The following CAMTA1 variants were observed in gnomAD, a reference collection of about 807,000 sequenced individuals.
CAMTA1 encodes calmodulin binding transcription activator 1.
In CAMTA1, 27 loss-of-function variants were observed where a neutral mutation model predicts 170.9. That is an observed-to-expected ratio of 0.16 (90% CI 0.12 to 0.22). The LOEUF is 0.22. Among genes scored for constraint, CAMTA1 ranks in the 10% least tolerant of loss-of-function variants. CAMTA1 has a pLI of 1.00. For missense variants in CAMTA1, 1,619 were observed against 2,217.2 expected, an observed-to-expected ratio of 0.73 and a Z score of 5.42; for synonymous variants, 833 against 891.5, an observed-to-expected ratio of 0.93 and a Z score of 1.17.
At chr1:7,764,076 T>C (rs971522204) in intron 22 of CAMTA1, among the ~76,000 whole-genome samples, 3 of 152,162 alleles carry the variant, frequency 2.0e-5, no homozygotes, top group African/African-American at 7.2e-5. Context: ...TGTTTAAAAA[T>C]TGAACAGACT....
At chr1:7,269,247 C>A (rs1244510214) in intron 5 of CAMTA1, among the ~76,000 whole-genome samples, 1 of 152,214 alleles carries the variant, frequency 6.6e-6, no homozygotes, top group Non-Finnish European at 1.5e-5. Flanking sequence ...TTTACAAAAT[C>A]AGTTCCTTGA....
In CAMTA1 at chr1:7,664,187, C is replaced by T. The variant is rs376854282; in HGVS notation, c.1640C>T (p.Ala547Val). The stretch of plus-strand genomic sequence containing the variant: ...TTCGAGCAGCAGATGGCCAAAGAAG[C>T]GTACTCCTCCTCCGCGGCGGCTGTG... ...TSFEQQMAKE[A>V]YSSSAAAVAA... Residue 547 changes from alanine (A) to valine (V), a missense_variant, in exon 9 of 23, where the codon GCG (alanine) becomes GTG (valine). Physicochemically the swap from Ala to Val is moderately conservative, Grantham distance 64. Around this residue, in one of 8 missense-constraint regions of CAMTA1, gnomAD observed 731 missense variants for 907.6 expected, o/e 0.81. Coordinates refer to ENST00000303635, the MANE Select transcript of CAMTA1 (RefSeq NM_015215.4). 2.5e-6 allele frequency: 4 copies of T among 1,612,638 alleles called. No homozygotes were observed. Among genetic ancestry groups the T allele is most frequent in the Non-Finnish European group, 3.4e-6 (4 of 1,180,042 alleles).
At chr1:7,454,594 G>C (rs2092907393) in intron 5 of CAMTA1, among the ~76,000 whole-genome samples, 2 of 152,178 alleles carry the variant, frequency 1.3e-5, no homozygotes, top group South Asian at 4.1e-4. Context: ...CCCAAGGCCA[G>C]GCACCCCGAC....
At chr1:6,944,735 TACAG>T (rs1227484026) in intron 3 of CAMTA1, among the ~76,000 whole-genome samples, 3 of 152,242 alleles carry the variant, frequency 2.0e-5, no homozygotes, top group South Asian at 2.1e-4. Flanking sequence ...TCTGACATAC[TACAG>T]ACAGTCTTTG....
intron 4 of CAMTA1, among the ~76,000 whole-genome samples, chr1:7,099,703 C>G (rs911649607): frequency 3.9e-5 from 6 of 152,122 alleles, no homozygotes; most frequent in African/African-American, 1.2e-4. Context: ...GGTTCAGCAT[C>G]TCTACATTTT....
rs1056692345 is a variant in CAMTA1 at position 6,965,565 on chromosome 1, G to T, written c.235-125739G>T. Among the ~76,000 whole-genome samples, 1 of 152,016 alleles carries T rather than the reference G, an allele frequency of 6.6e-6. No individual in the cohort carries two copies. The highest frequency in any genetic ancestry group is 1.5e-5 in the Non-Finnish European group (1 of 68,010). ...TCTAGATGGAGGGAGGGGACAGGTT[G>T]GTGATTGTGTGCCCTGGTTTCTCTA... On this transcript the variant is annotated intron_variant, in intron 3 of 22. Coordinates refer to ENST00000303635, the MANE Select transcript of CAMTA1 (RefSeq NM_015215.4). The surrounding 1 kb of genome is among the most constrained non-coding windows in gnomAD (Gnocchi z 4.1).
intron 3 of CAMTA1, among the ~76,000 whole-genome samples, chr1:7,032,198 C>T (rs879771794): frequency 5.3e-5 from 8 of 152,176 alleles, no homozygotes; most frequent in Non-Finnish European, 1.0e-4. Flanking sequence ...CTCCTGATCT[C>T]AAGAAATCCA....
At chr1:6,980,730 G>T (rs946994086) in intron 3 of CAMTA1, among the ~76,000 whole-genome samples, 1 of 152,128 alleles carries the variant, frequency 6.6e-6, no homozygotes, top group East Asian at 1.9e-4. Flanking sequence ...ACACTCCTTT[G>T]CTTGCCACCA....
chr1:7,309,223 T>C (rs1676053710), intron 5 of CAMTA1, among the ~76,000 whole-genome samples: 1 of 151,772 alleles, frequency 6.6e-6, no homozygotes, highest in African/African-American at 2.4e-5. Flanking sequence ...CAACACATCG[T>C]TGGGTCATGG....
chr1:6,975,846 GCTTT>G (rs1446131950), intron 3 of CAMTA1, among the ~76,000 whole-genome samples: 3 of 152,144 alleles, frequency 2.0e-5, no homozygotes, highest in African/African-American at 4.8e-5. Flanking sequence ...CCACCAATCT[GCTTT>G]CTATCTCTAT....
At chr1:7,298,467 C>T (rs976150626) in intron 5 of CAMTA1, among the ~76,000 whole-genome samples, 8 of 152,068 alleles carry the variant, frequency 5.3e-5, no homozygotes, top group African/African-American at 1.9e-4. Flanking sequence ...GAAACGGGAC[C>T]CTTAATACTG....
intron 6 of CAMTA1, among the ~76,000 whole-genome samples, chr1:7,591,448 T>G (rs2095354556): frequency 6.6e-6 from 1 of 152,244 alleles, no homozygotes; most frequent in South Asian, 2.1e-4. Context: ...TGGAATTTGT[T>G]AACAGACTGT....
intron 3 of CAMTA1, among the ~76,000 whole-genome samples, chr1:6,952,893 A>C (rs1688748980): frequency 1.3e-5 from 2 of 152,222 alleles, no homozygotes; most frequent in South Asian, 4.1e-4. Context: ...GAACATACAG[A>C]AAAGAAAAGA....
rs1008174504 is a variant in CAMTA1, at chr1:7,561,832, C to T, written c.511-78568C>T. Among the ~76,000 whole-genome samples the T allele has an allele frequency of 3.3e-5, 5 of 152,108 alleles. No individual in the cohort carries two copies. Among genetic ancestry groups the T allele is most frequent in the Admixed American group, 6.5e-5 (1 of 15,282 alleles). On this transcript the variant is annotated intron_variant, in intron 6 of 22. Coordinates refer to ENST00000303635, the MANE Select transcript of CAMTA1 (RefSeq NM_015215.4). This position sits in a 1 kb window ranked among gnomAD's most constrained non-coding sequence, Gnocchi z 5.3. ...GAAATGACTCGGGGATGGATGAGAA[C>T]GAACCCTCATCCCTGCCTGCACGCC...
intron 5 of CAMTA1, among the ~76,000 whole-genome samples, chr1:7,331,294 G>T (rs2083019170): frequency 6.6e-6 from 1 of 152,120 alleles, no homozygotes; most frequent in Admixed American, 6.6e-5. Context: ...ACTTTCAGAG[G>T]AGAGCGAGCC....
chr1:7,427,219 C>T (rs546104865), intron 5 of CAMTA1, among the ~76,000 whole-genome samples: 1 of 152,314 alleles, frequency 6.6e-6, no homozygotes, highest in Non-Finnish European at 1.5e-5. Context: ...CTTTTGACCG[C>T]TTCCTAAGTG....
At chr1:7,098,183 AG>A (rs1355567387) in intron 4 of CAMTA1, among the ~76,000 whole-genome samples, 1 of 152,160 alleles carries the variant, frequency 6.6e-6, no homozygotes, top group Non-Finnish European at 1.5e-5. Flanking sequence ...TGGTGGCCAG[AG>A]TTCGGAAGGG....
At chr1:7,384,662 T>A (rs2087727263) in intron 5 of CAMTA1, among the ~76,000 whole-genome samples, 1 of 152,242 alleles carries the variant, frequency 6.6e-6, no homozygotes, top group Non-Finnish European at 1.5e-5. Flanking sequence ...GTTAATTTAA[T>A]TAGAATAGAG....
chr1:6,890,698 G>A (rs978328452), intron 3 of CAMTA1, among the ~76,000 whole-genome samples: 1 of 152,012 alleles, frequency 6.6e-6, no homozygotes, highest in African/African-American at 2.4e-5. Flanking sequence ...AGCTTCCTGA[G>A]TAGCTAGGAC....
Sources: allele counts gnomAD v4.1 joint callset (sites outside exome capture counted in the v4.1 genomes callset), GRCh38; gene constraint gnomAD v4.1.1; regional missense constraint gnomAD v4.1.1; non-coding constraint Gnocchi (gnomAD v3.1); transcripts MANE v1.5; gene names NCBI Gene and HGNC (gene_info 2026-07-23, HGNC 2026-07-21).